TAF4: variants seen among roughly 807,000 people sequenced by gnomAD.
TAF4 encodes the protein TATA-box binding protein associated factor 4.
A neutral mutation model predicts 90.3 loss-of-function variants in TAF4; 9 were observed. The observed-to-expected ratio is 0.10, with a 90% CI of 0.06 to 0.17. The LOEUF is 0.17. TAF4 is among the 10% of genes least tolerant of loss of function. The pLI, the probability that TAF4 is intolerant of heterozygous loss-of-function variation, is 1.00. For synonymous variants in TAF4, 818 were observed against 638.9 expected (o/e 1.28, Z -4.23); for missense variants, 1,351 against 1,370.7 (o/e 0.99, Z 0.23).
At chr20:61,985,498 G>A (rs182614594) in intron 14 of TAF4, among the ~76,000 whole-genome samples, 14 of 152,150 alleles carry the variant, frequency 9.2e-5, no homozygotes, top group Admixed American at 6.5e-4. Flanking sequence ...AATTTGAAAT[G>A]TACTATTTTG....
chr20:62,034,123 A>T (rs947209598), intron 1 of TAF4, among the ~76,000 whole-genome samples: 3 of 152,136 alleles, frequency 2.0e-5, no homozygotes, highest in Admixed American at 2.0e-4. Context: ...CAACAAGCCC[A>T]ATACCAGAAG....
Position 62,065,831 on chromosome 20 carries a change from C to T in TAF4, c.-21G>A. 1 of 1,259,156 alleles carries T rather than the reference C, an allele frequency of 7.9e-7. No individual in the cohort carries two copies. Among genetic ancestry groups the T allele is most frequent in the Non-Finnish European group, 1.0e-6 (1 of 979,004 alleles). The allele number at this position is 1,259,156 out of a possible 1,614,324, so 78.0% of individuals were successfully genotyped here. ...GCCATCTTTTTTCCTCGGCCGCCGC[C>T]GCCGCCGCCGCTCGGGCCGAGCGCG... is the stretch of plus-strand genomic sequence containing the variant. On this transcript the variant is annotated 5_prime_UTR_variant, in exon 1 of 15. Coordinates refer to ENST00000252996, the MANE Select transcript of TAF4 (RefSeq NM_003185.4).
chr20:61,980,588 CAGT>C (rs552924868), intron 14 of TAF4: 4 of 152,424 alleles, frequency 2.6e-5, no homozygotes, highest in African/African-American at 9.6e-5. Flanking sequence ...TGAAGAACAG[CAGT>C]AGTAGCGAAA....
intron 9 of TAF4, among the ~76,000 whole-genome samples, chr20:62,002,395 TCACTCCAAGA>T (rs1162726866): frequency 6.6e-6 from 1 of 152,112 alleles, no homozygotes; most frequent in Non-Finnish European, 1.5e-5. Flanking sequence ...ACAACAGAGA[TCACTCCAAGA>T]CTCTCCCACT....
chr20:61,979,555 G>C (rs1373122038), intron 14 of TAF4, among the ~76,000 whole-genome samples: 2 of 147,946 alleles, frequency 1.4e-5, no homozygotes, highest in African/African-American at 2.5e-5. Flanking sequence ...GGCCACTCCA[G>C]AGGGACTGCG....
intron 1 of TAF4, among the ~76,000 whole-genome samples, chr20:62,039,234 A>C (rs566933151): frequency 3.3e-5 from 5 of 152,312 alleles, no homozygotes; most frequent in Admixed American, 1.3e-4. Flanking sequence ...GAAAGTGCTG[A>C]GCTGCAGAAG....
At chr20:61,997,951 G>C (rs1176494655) in intron 13 of TAF4, among the ~76,000 whole-genome samples, 185 bp downstream of exon 13, 2 of 152,160 alleles carry the variant, frequency 1.3e-5, no homozygotes, top group African/African-American at 2.4e-5. Context: ...TTTAAAAGTA[G>C]GACACCAACT....
In TAF4 at chr20:61,994,147, CA is replaced by C. The variant is rs564773299; in HGVS notation, c.3090+3402del. Among the ~76,000 whole-genome samples the C allele has an allele frequency of 6.6e-4, 100 of 151,858 alleles. 1 individual carries two copies. The South Asian group carries it at 0.018, about 27-fold the overall frequency. ...TAATCAATATCTTTCACCTCCCCCA[CA>C]AAAAAGTAAGTCCTTAACTCTAAGT... On this transcript the variant is annotated intron_variant, in intron 14 of 14. Transcript: ENST00000252996.
At chr20:62,059,475 G>A (rs1199434955) in intron 1 of TAF4, among the ~76,000 whole-genome samples, 1 of 152,212 alleles carries the variant, frequency 6.6e-6, no homozygotes, top group Non-Finnish European at 1.5e-5. Context: ...CGCAAGAATT[G>A]GAAAGAACAG....
chr20:61,977,336 C>A (rs1418987202), intron 14 of TAF4, among the ~76,000 whole-genome samples: 1 of 152,242 alleles, frequency 6.6e-6, no homozygotes, highest in Non-Finnish European at 1.5e-5. Context: ...AAGTTCTGCT[C>A]CGATGGTGAA....
chr20:61,999,399 T>C lies in TAF4; in HGVS notation c.2788-291A>G, dbSNP rs184759294. Among the ~76,000 whole-genome samples, 7 of 152,380 alleles carry C rather than the reference T, an allele frequency of 4.6e-5. No individual in the cohort carries two copies. The East Asian group carries it at 1.3e-3, about 29-fold the overall frequency. On this transcript the variant is annotated intron_variant, in intron 11 of 14. Transcript: ENST00000252996. ...TTTCTTAAAGTAACATTTACCTTTT[T>C]TGCTGCAACACAGAACTACTTTTAC...
chr20:62,059,545 G>A (rs1683392491), intron 1 of TAF4, among the ~76,000 whole-genome samples: 2 of 152,252 alleles, frequency 1.3e-5, no homozygotes, highest in Non-Finnish European at 2.9e-5. Flanking sequence ...CCACCTGGAA[G>A]CAGAAGCGTC....
At chr20:62,014,030 G>GTGTGTGTGTGTGTGTA (rs1271776482) in intron 2 of TAF4, among the ~76,000 whole-genome samples, 9 of 144,176 alleles carry the variant, frequency 6.2e-5, no homozygotes, top group African/African-American at 1.8e-4. Flanking sequence ...GTGTGTGTGT[G>GTGTGTGTGTGTGTGTA]TGTGTGTGTG....
At chr20:62,030,543 C>G (rs1179455170) in intron 1 of TAF4, among the ~76,000 whole-genome samples, 1 of 152,214 alleles carries the variant, frequency 6.6e-6, no homozygotes, top group Admixed American at 6.5e-5. Flanking sequence ...TGTCGTGCCT[C>G]GAAGCACATT....
intron 1 of TAF4, among the ~76,000 whole-genome samples, chr20:62,056,628 C>T (rs1278361403): frequency 6.6e-6 from 1 of 151,902 alleles, no homozygotes; most frequent in African/African-American, 2.4e-5. Context: ...CAGGACAAGG[C>T]AAAGCACAGA....
intron 1 of TAF4, among the ~76,000 whole-genome samples, chr20:62,063,270 G>A (rs900363934): frequency 6.6e-6 from 1 of 152,192 alleles, no homozygotes; most frequent in Non-Finnish European, 1.5e-5. Context: ...TTTCACTTCT[G>A]AAGATTCTGC....
At chr20:62,045,795 C>G (rs1306615328) in intron 1 of TAF4, among the ~76,000 whole-genome samples, 1 of 152,156 alleles carries the variant, frequency 6.6e-6, no homozygotes, top group Non-Finnish European at 1.5e-5. Flanking sequence ...TAATCCAGAG[C>G]AGACGCTCCT....
Position 62,006,559 on chromosome 20 carries a change from G to GT in TAF4, c.2173dup (p.Thr725AsnfsTer95). On this transcript the variant is annotated frameshift_variant, in exon 7 of 15. Transcript: ENST00000252996. LOFTEE classifies it high-confidence loss of function. The surrounding 1 kb of genome is among the most constrained non-coding windows in gnomAD (Gnocchi z 7.0). ...GCCGACGCCGACCTGCGTGGGCTGC[G>GT]TGAGGCTGAGCACAGGGGGCTGGAG... The GT allele has an allele frequency of 6.3e-7, 1 of 1,582,192 alleles. No individual in the cohort carries two copies. Among genetic ancestry groups the GT allele is most frequent in the Non-Finnish European group, 8.6e-7 (1 of 1,167,230 alleles).
intron 5 of TAF4, 50 bp from the exon 6 acceptor site, chr20:62,007,686 C>A (rs368682244): frequency 3.4e-4 from 516 of 1,521,764 alleles, no homozygotes; most frequent in Middle Eastern, 1.0e-3. Flanking sequence ...ATTCCACACA[C>A]ACTTCTGAAT....
Sources: gnomAD v4.1 joint callset for allele counts (sites outside exome capture counted in the v4.1 genomes callset) on GRCh38, gnomAD v4.1.1 for gene constraint, Gnocchi (gnomAD v3.1) non-coding constraint, MANE v1.5 for transcripts, NCBI Gene and HGNC (gene_info 2026-07-23, HGNC 2026-07-21) for gene names.